INSR: variants seen among roughly 807,000 people sequenced by gnomAD.
INSR encodes the protein IR.
A neutral mutation model predicts 142.6 loss-of-function variants in INSR; 67 were observed. The observed-to-expected ratio is 0.47, with a 90% confidence interval of 0.39 to 0.58. The LOEUF (loss-of-function observed/expected upper bound fraction) is 0.58. Among genes scored for constraint, INSR ranks in the 20% least tolerant of loss-of-function variants. INSR has a pLI of 0.00. For missense variants in INSR, 1,248 were observed against 1,833.2 expected, an observed-to-expected ratio of 0.68 and a Z score of 5.83; for synonymous variants, 756 against 743.1, an observed-to-expected ratio of 1.02 and a Z score of -0.28.
At chr19:7,117,719 A>G (rs1357861411) in intron 21 of INSR, among the ~76,000 whole-genome samples, 1 of 151,534 alleles carries the variant, frequency 6.6e-6, no homozygotes, top group African/African-American at 2.4e-5. Flanking sequence ...CAATCCTCTC[A>G]CCTTGGCCTC....
Position 7,225,567 on chromosome 19 carries a change from TC to T in INSR, c.653-40931del, listed in dbSNP as rs1424943183. Among the ~76,000 whole-genome samples the T allele has an allele frequency of 6.6e-6, 1 of 152,150 alleles. No homozygotes were observed. Among genetic ancestry groups the T allele is most frequent in the Non-Finnish European group, 1.5e-5 (1 of 68,030 alleles). The stretch of plus-strand genomic sequence containing the variant: ...ACTTGAGTAATACATAAACCCACCT[TC>T]ATTAAATGACTATCATCATATTCCT... On this transcript the variant is annotated intron_variant, in intron 2 of 21. Transcript: ENST00000302850. This position sits in a 1 kb window ranked among gnomAD's most constrained non-coding sequence, Gnocchi z 4.7.
At chr19:7,154,300 C>CTTTT (rs762914829) in intron 9 of INSR, among the ~76,000 whole-genome samples, 25 of 107,302 alleles carry the variant, frequency 2.3e-4, no homozygotes, top group Non-Finnish European at 3.4e-4. Context: ...ACCACAATTA[C>CTTTT]TTTTTTTTTT....
intron 2 of INSR, among the ~76,000 whole-genome samples, chr19:7,185,902 G>A (rs1426789836): frequency 1.6e-5 from 2 of 123,256 alleles, no homozygotes; most frequent in Admixed American, 8.7e-5. Flanking sequence ...AGGAAGGAAG[G>A]AAAAAAAAAA....
chr19:7,145,379 G>T (rs1366511516), intron 11 of INSR, among the ~76,000 whole-genome samples: 1 of 151,922 alleles, frequency 6.6e-6, no homozygotes, highest in Non-Finnish European at 1.5e-5. Flanking sequence ...TTTTGAAAGG[G>T]ATCTTTTCCC....
intron 9 of INSR, among the ~76,000 whole-genome samples, chr19:7,158,069 T>C (rs1254094521): frequency 3.4e-5 from 5 of 148,016 alleles, no homozygotes; most frequent in East Asian, 2.0e-4. Context: ...ATTATTATTA[T>C]TATTATTATT....
chr19:7,157,210 C>G (rs1379379657), intron 9 of INSR, among the ~76,000 whole-genome samples: 2 of 152,002 alleles, frequency 1.3e-5, no homozygotes, highest in Non-Finnish European at 2.9e-5. Flanking sequence ...AACTCCTGAC[C>G]TCAGGTGGTC....
At chr19:7,158,152 C>T (rs1048983863) in intron 9 of INSR, among the ~76,000 whole-genome samples, 23 of 151,238 alleles carry the variant, frequency 1.5e-4, no homozygotes, top group Non-Finnish European at 3.4e-4. Context: ...CTACCTCTTC[C>T]TAGAATCCAC....
chr19:7,293,659 G>A, intron 1 of INSR, 133 bp downstream of exon 1: 2 of 705,424 alleles, frequency 2.8e-6, no homozygotes, highest in Non-Finnish European at 3.8e-6. Context: ...CGATGCAGGA[G>A]CTACCGTCCT....
intron 2 of INSR, among the ~76,000 whole-genome samples, chr19:7,231,325 G>T (rs1975971720): frequency 1.4e-5 from 2 of 140,378 alleles, no homozygotes; most frequent in African/African-American, 5.5e-5. Context: ...TTTTGAGATG[G>T]AGTCTCTCTC....
intron 13 of INSR, 48 bp downstream of exon 13, chr19:7,141,629 G>C: frequency 6.2e-7 from 1 of 1,612,068 alleles, no homozygotes; most frequent in African/African-American, 1.3e-5. Flanking sequence ...AACTCTGAAG[G>C]GGCATGCTGA....
At chr19:7,122,484 C>CA (rs141692149) in intron 19 of INSR, 130 bp downstream of exon 19, 13,463 of 780,920 alleles carry the variant, frequency 0.017, 4 homozygotes, top group East Asian at 0.054. Flanking sequence ...AAAAACCCCA[C>CA]AAAAAAAAAA....
chr19:7,188,790 C>T (rs572444695), intron 2 of INSR, among the ~76,000 whole-genome samples: 2 of 146,072 alleles, frequency 1.4e-5, no homozygotes, highest in African/African-American at 5.0e-5. Context: ...AGTAGAATCG[C>T]TTGAACGCAA....
intron 2 of INSR, among the ~76,000 whole-genome samples, chr19:7,231,252 C>T (rs909654222): frequency 1.4e-3 from 205 of 150,854 alleles, no homozygotes; most frequent in Admixed American, 4.3e-3. Context: ...ATGCTGTTTT[C>T]GTTCAAACGC....
chr19:7,241,307 T>C (rs1712248958), intron 2 of INSR, among the ~76,000 whole-genome samples: 1 of 151,660 alleles, frequency 6.6e-6, no homozygotes, highest in South Asian at 2.1e-4. Flanking sequence ...GCCTCGTGAG[T>C]AGCCAGAACT....
intron 1 of INSR, chr19:7,268,560 C>T (rs988492721): frequency 1.0e-6 from 1 of 985,234 alleles, no homozygotes; most frequent in African/African-American, 1.7e-5. Context: ...TCTGCCCCTA[C>T]ATCCCCTGCA....
intron 2 of INSR, among the ~76,000 whole-genome samples, chr19:7,245,365 C>T (rs994397817): frequency 6.6e-5 from 10 of 152,296 alleles, no homozygotes; most frequent in African/African-American, 2.4e-4. Flanking sequence ...TCTTACCAGG[C>T]ATGAGCTTGT....
In INSR at chr19:7,160,247, C is replaced by T. The variant is rs534119916; in HGVS notation, c.2029+2785G>A. On this transcript the variant is annotated intron_variant, in intron 9 of 21. Coordinates refer to ENST00000302850, the MANE Select transcript of INSR (RefSeq NM_000208.4). ...TCGGCTCATTGCAACCTCCACCTCC[C>T]GGGTTCAAGCGATTCTTCTGCCTCA... Among the ~76,000 whole-genome samples the T allele has an allele frequency of 1.1e-4, 17 of 152,088 alleles. No homozygotes were observed. The South Asian group carries it at 1.7e-3, about 15-fold the overall frequency.
chr19:7,244,287 C>T (rs781129736), intron 2 of INSR, among the ~76,000 whole-genome samples: 8 of 152,188 alleles, frequency 5.3e-5, no homozygotes, highest in Non-Finnish European at 1.2e-4. Flanking sequence ...CATCCCAGCA[C>T]TTTGGGAGGC....
At chr19:7,253,604 T>C (rs1976801487) in intron 2 of INSR, among the ~76,000 whole-genome samples, 1 of 152,166 alleles carries the variant, frequency 6.6e-6, no homozygotes, top group African/African-American at 2.4e-5. Flanking sequence ...AAACCTGTGA[T>C]TGGAGGAAGG....
Sources: allele counts gnomAD v4.1 joint callset (sites outside exome capture counted in the v4.1 genomes callset), GRCh38; gene constraint gnomAD v4.1.1; non-coding constraint Gnocchi (gnomAD v3.1); transcripts MANE v1.5; gene names NCBI Gene and HGNC (gene_info 2026-07-23, HGNC 2026-07-21).